The following ADAMTS16 variants were observed in gnomAD, a reference collection of about 807,000 sequenced individuals.
ADAMTS16 encodes the protein ADAM metallopeptidase with thrombospondin type 1 motif 16, also known as A disintegrin and metalloproteinase with thrombospondin motifs 16.
In ADAMTS16, 94 loss-of-function variants were observed where a neutral mutation model predicts 145.8. The observed-to-expected ratio is 0.64, with a 90% CI of 0.55 to 0.77. The LOEUF (loss-of-function observed/expected upper bound fraction) is 0.77. Ranked by LOEUF, ADAMTS16 falls within the 30% of genes least tolerant of loss-of-function variation. The pLI is 0.00. For synonymous variants in ADAMTS16, 659 were observed against 604.3 expected, an observed-to-expected ratio of 1.09 and a Z score of -1.33; for missense variants, 1,585 against 1,591.5, an observed-to-expected ratio of 1.00 and a Z score of 0.07.
At chr5:5,262,330 A>T (rs1342478215) in intron 17 of ADAMTS16, among the ~76,000 whole-genome samples, 1 of 152,254 alleles carries the variant, frequency 6.6e-6, no homozygotes, top group Non-Finnish European at 1.5e-5. Flanking sequence ...TGGTGTTTTC[A>T]ACTATGGAAA....
intron 18 of ADAMTS16, among the ~76,000 whole-genome samples, chr5:5,274,749 T>TAC (rs745478308): frequency 4.0e-4 from 61 of 151,736 alleles, no homozygotes; most frequent in African/African-American, 1.1e-3. Context: ...TATATATATA[T>TAC]ACACATATAT....
chr5:5,186,684 CT>C (rs1461012221), intron 5 of ADAMTS16, among the ~76,000 whole-genome samples: 1 of 152,064 alleles, frequency 6.6e-6, no homozygotes, highest in Non-Finnish European at 1.5e-5. Context: ...ATTATTTTAT[CT>C]ATAAAAACAG....
intron 13 of ADAMTS16, 59 bp from the exon 14 acceptor site, chr5:5,236,910 A>G: frequency 6.5e-7 from 1 of 1,527,452 alleles, no homozygotes; most frequent in Non-Finnish European, 8.8e-7. Flanking sequence ...TTCAGAGCAA[A>G]AATGATCAGA....
intron 10 of ADAMTS16, among the ~76,000 whole-genome samples, chr5:5,222,288 A>T (rs1466308484): frequency 6.6e-6 from 1 of 151,310 alleles, no homozygotes; most frequent in African/African-American, 2.4e-5. Context: ...CCTTAATCAC[A>T]GATTTGGGGA....
chr5:5,303,126 C>T, intron 18 of ADAMTS16, 142 bp from the exon 19 acceptor site: 1 of 877,232 alleles, frequency 1.1e-6, no homozygotes, highest in Admixed American at 3.3e-5. Flanking sequence ...GAATGCTCAC[C>T]CAGGAAAGGT....
intron 3 of ADAMTS16, among the ~76,000 whole-genome samples, chr5:5,164,961 T>C (rs1006829672): frequency 2.6e-5 from 4 of 152,184 alleles, no homozygotes; most frequent in Non-Finnish European, 5.9e-5. Flanking sequence ...AAATGCTTTA[T>C]TGAGGTATGA....
chr5:5,191,534 C>A (rs1348764747), intron 7 of ADAMTS16, 151 bp from the exon 8 acceptor site: 5 of 592,640 alleles, frequency 8.4e-6, no homozygotes, highest in Non-Finnish European at 1.5e-5. Flanking sequence ...CTTATCAAGT[C>A]CCCTTTATAC....
chr5:5,166,713 T>G (rs2126535021), intron 3 of ADAMTS16, among the ~76,000 whole-genome samples: 1 of 152,310 alleles, frequency 6.6e-6, no homozygotes, highest in South Asian at 2.1e-4. Flanking sequence ...ATCCCAAAAC[T>G]TTGAGCTGTC....
chr5:5,279,914 CTTTA>C lies in ADAMTS16; in HGVS notation c.2789+17135_2789+17138del, dbSNP rs1162287827. The stretch of plus-strand genomic sequence containing the variant: ...CTTCCTTCTTTCTTTTCTTTTCTTT[CTTTA>C]TTTCTCTTTTTCTTTCTTTCTTTCT... On this transcript the variant is annotated intron_variant, in intron 18 of 22. Coordinates refer to ENST00000274181, the MANE Select transcript of ADAMTS16 (RefSeq NM_139056.4). Among the ~76,000 whole-genome samples the C allele has an allele frequency of 7.6e-4, 36 of 47,262 alleles. 1 individual carries two copies. Among genetic ancestry groups the C allele is most frequent in the African/African-American group, 3.7e-4 (7 of 18,728 alleles). The allele number at this position is 47,262 out of a possible 152,430, so 31.0% of individuals were successfully genotyped here. A position where few individuals can be genotyped will look rare whatever the true frequency, so the allele number is the denominator to read the frequency against.
intron 18 of ADAMTS16, among the ~76,000 whole-genome samples, chr5:5,275,189 T>C (rs1000685742): frequency 6.6e-6 from 1 of 152,222 alleles, no homozygotes; most frequent in Non-Finnish European, 1.5e-5. Context: ...TAGGCACCAT[T>C]GCTCTATTCT....
chr5:5,237,273 T>A (rs577706602), intron 14 of ADAMTS16, among the ~76,000 whole-genome samples, 174 bp downstream of exon 14: 142 of 152,104 alleles, frequency 9.3e-4, no homozygotes, highest in African/African-American at 3.1e-3. Context: ...TTTGCTGCAG[T>A]GGAAGTGTGT....
intron 9 of ADAMTS16, among the ~76,000 whole-genome samples, chr5:5,201,361 A>T (rs1478258664): frequency 6.6e-6 from 1 of 152,220 alleles, no homozygotes; most frequent in Non-Finnish European, 1.5e-5. Flanking sequence ...AAATATTTTT[A>T]AAAATTTAAA....
At chr5:5,294,086 T>C (rs1019896195) in intron 18 of ADAMTS16, among the ~76,000 whole-genome samples, 1 of 152,212 alleles carries the variant, frequency 6.6e-6, no homozygotes, top group African/African-American at 2.4e-5. Context: ...CTGGAAATAC[T>C]TCTTCTTGGC....
intron 3 of ADAMTS16, 125 bp from the exon 4 acceptor site, chr5:5,181,919 G>T (rs756585961): frequency 1.8e-6 from 2 of 1,100,852 alleles, no homozygotes; most frequent in Non-Finnish European, 2.6e-6. Context: ...TCCAATGTTC[G>T]CTCTCACTGG....
At chr5:5,209,934 A>G (rs955034206) in intron 10 of ADAMTS16, among the ~76,000 whole-genome samples, 10 of 152,214 alleles carry the variant, frequency 6.6e-5, no homozygotes, top group African/African-American at 2.4e-4. Context: ...AGAGAAAAAT[A>G]TAATCCTCCA....
intron 20 of ADAMTS16, among the ~76,000 whole-genome samples, chr5:5,306,143 C>T (rs925072524): frequency 6.6e-6 from 1 of 152,234 alleles, no homozygotes; most frequent in Non-Finnish European, 1.5e-5. Flanking sequence ...GTGGGTTAAT[C>T]CATGGACCCG....
At chr5:5,267,020 A>T (rs2126442413) in intron 18 of ADAMTS16, among the ~76,000 whole-genome samples, 1 of 152,298 alleles carries the variant, frequency 6.6e-6, no homozygotes, top group South Asian at 2.1e-4. Context: ...CTGGTGCAGA[A>T]TTTTCATACT....
chr5:5,290,960 T>A, intron 18 of ADAMTS16, among the ~76,000 whole-genome samples: 1 of 152,164 alleles, frequency 6.6e-6, no homozygotes, highest in Non-Finnish European at 1.5e-5. Context: ...TTTCGTTAGG[T>A]ATAAATAAAT....
rs368665216 is a variant in ADAMTS16, at chr5:5,283,340, T to C, written c.2790-19928T>C. ...CTCAGCATGACTAAATTTTTGCTCATGGCTTTTCTCCTACATAACTATTCT... is the reference window on the plus strand; with the variant it reads ...CTCAGCATGACTAAATTTTTGCTCACGGCTTTTCTCCTACATAACTATTCT... On this transcript the variant is annotated intron_variant, in intron 18 of 22. Coordinates refer to ENST00000274181, the MANE Select transcript of ADAMTS16 (RefSeq NM_139056.4). Among the ~76,000 whole-genome samples the C allele has an allele frequency of 4.6e-5, 7 of 152,238 alleles. No homozygotes were observed. In the East Asian group the frequency reaches 9.6e-4, roughly 21 times the overall value.
Sources: allele counts gnomAD v4.1 joint callset (sites outside exome capture counted in the v4.1 genomes callset), GRCh38; gene constraint gnomAD v4.1.1; transcripts MANE v1.5; gene names NCBI Gene and HGNC (gene_info 2026-07-23, HGNC 2026-07-21).